CNTN5: variants seen among roughly 807,000 people sequenced by gnomAD.
CNTN5 encodes contactin-5.
CNTN5 carries 77 observed loss-of-function variants against 129.1 expected under a neutral mutation model. That is an observed-to-expected ratio of 0.60 (90% confidence interval 0.50 to 0.72). The LOEUF (loss-of-function observed/expected upper bound fraction) is 0.72, where lower values mean the gene tolerates loss of function less well. Ranked by LOEUF, CNTN5 falls within the 30% of genes least tolerant of loss-of-function variation. The pLI, the probability that CNTN5 is intolerant of heterozygous loss-of-function variation, is 0.00. For synonymous variants in CNTN5, 509 were observed against 465.6 expected, an observed-to-expected ratio of 1.09 and a Z score of -1.20; for missense variants, 1,478 against 1,328.8, an observed-to-expected ratio of 1.11 and a Z score of -1.75.
chr11:100,098,581 T>C (rs1345440096), intron 13 of CNTN5, among the ~76,000 whole-genome samples: 1 of 152,098 alleles, frequency 6.6e-6, no homozygotes, highest in Non-Finnish European at 1.5e-5. Context: ...CAGATTAGTG[T>C]ATCTTGGTAC....
At chr11:100,165,559 C>T (rs12802629) in intron 13 of CNTN5, among the ~76,000 whole-genome samples, 9,211 of 151,662 alleles carry the variant, frequency 0.061, 376 homozygotes, top group East Asian at 0.084. Context: ...TAAGAAAGTT[C>T]CAATAAAGCT....
chr11:99,720,145 G>C (rs1469828264), intron 3 of CNTN5, among the ~76,000 whole-genome samples: 1 of 152,028 alleles, frequency 6.6e-6, no homozygotes, highest in Non-Finnish European at 1.5e-5. Flanking sequence ...AAAAAATTGA[G>C]GAGGAGGGAC....
chr11:99,841,488 A>G (rs866466632), intron 4 of CNTN5, among the ~76,000 whole-genome samples: 2 of 152,010 alleles, frequency 1.3e-5, no homozygotes, highest in African/African-American at 4.8e-5. Context: ...AGAAATGACT[A>G]TGATACTGAG....
chr11:99,914,123 G>A (rs1013021789), intron 6 of CNTN5, among the ~76,000 whole-genome samples: 1 of 152,026 alleles, frequency 6.6e-6, no homozygotes, highest in Non-Finnish European at 1.5e-5. Flanking sequence ...TGTAGTCCCA[G>A]CTACTCGGGA....
At chr11:100,181,908 C>G (rs1046711854) in intron 13 of CNTN5, among the ~76,000 whole-genome samples, 2 of 151,968 alleles carry the variant, frequency 1.3e-5, no homozygotes, top group Admixed American at 1.3e-4. Context: ...ATATGACTCA[C>G]TGAAGTTCCA....
chr11:99,405,000 G>A (rs1269456845), intron 2 of CNTN5, among the ~76,000 whole-genome samples: 2 of 152,044 alleles, frequency 1.3e-5, no homozygotes, highest in African/African-American at 2.4e-5. Flanking sequence ...ACTATTCTAA[G>A]GTAAAACTTT....
In CNTN5 at chr11:99,213,063, C is replaced by T. The variant is rs538941076; in HGVS notation, c.-209-112283C>T. ...AAAATTAGCTGGGCGTGGTGGCACA[C>T]ACCTGTAGTCTGAGCTACTTGGGAA... On this transcript the variant is annotated intron_variant, in intron 1 of 24. Transcript: ENST00000524871. Among the ~76,000 whole-genome samples, 209 of 151,660 alleles carry T rather than the reference C, an allele frequency of 1.4e-3. 4 individuals are homozygous for T. Among genetic ancestry groups the T allele is most frequent in the East Asian group, 7.8e-4 (4 of 5,124 alleles).
chr11:99,943,628 T>C (rs1200093841), intron 7 of CNTN5, among the ~76,000 whole-genome samples: 2 of 151,544 alleles, frequency 1.3e-5, no homozygotes, highest in Admixed American at 6.6e-5. Flanking sequence ...TCCTGAATGA[T>C]ATTGCCTAGG....
chr11:99,989,519 A>ACG (rs370785352), intron 8 of CNTN5, among the ~76,000 whole-genome samples: 2 of 83,824 alleles, frequency 2.4e-5, no homozygotes, highest in Non-Finnish European at 5.6e-5. Context: ...ATAGACACAT[A>ACG]CACACACACT....
chr11:100,204,322 ATATATATATATATAT>A (rs1948866309), intron 15 of CNTN5, among the ~76,000 whole-genome samples: 1 of 108,454 alleles, frequency 9.2e-6, no homozygotes, highest in African/African-American at 3.1e-5. Context: ...ATATATATAT[ATATATATATATATAT>A]ATATATAATT....
chr11:99,613,808 G>T (rs1950671118), intron 3 of CNTN5, among the ~76,000 whole-genome samples: 1 of 152,108 alleles, frequency 6.6e-6, no homozygotes, highest in South Asian at 2.1e-4. Context: ...TTTGTCAGAT[G>T]AAATAAAATG....
At chr11:99,821,155 A>G (rs1161462749) in intron 4 of CNTN5, among the ~76,000 whole-genome samples, 2 of 152,242 alleles carry the variant, frequency 1.3e-5, no homozygotes, top group Non-Finnish European at 1.5e-5. Flanking sequence ...TAGAAAATCA[A>G]GTGATCAGAA....
chr11:99,419,824 A>G (rs986090599), intron 2 of CNTN5, among the ~76,000 whole-genome samples: 33 of 152,068 alleles, frequency 2.2e-4, no homozygotes, highest in African/African-American at 7.7e-4. Flanking sequence ...TGTTATTGTT[A>G]TATCCCAATT....
chr11:99,610,898 G>A (rs1950573661), intron 3 of CNTN5, among the ~76,000 whole-genome samples: 1 of 152,224 alleles, frequency 6.6e-6, no homozygotes, highest in East Asian at 1.9e-4. Context: ...TAAATAAGCA[G>A]CGCTATGTGC....
chr11:99,119,502 G>T (rs1858203114), intron 1 of CNTN5, among the ~76,000 whole-genome samples: 1 of 152,020 alleles, frequency 6.6e-6, no homozygotes, highest in South Asian at 2.1e-4. Flanking sequence ...AGTATTCCAT[G>T]ATGTATATGT....
intron 1 of CNTN5, among the ~76,000 whole-genome samples, chr11:99,128,294 C>A (rs1174012815): frequency 1.3e-5 from 2 of 152,302 alleles, no homozygotes; most frequent in East Asian, 1.9e-4. Flanking sequence ...GTAGGCAGTT[C>A]TCTCCAGCTA....
rs575073431 is a variant in CNTN5 at position 100,019,448 on chromosome 11, G to A, written c.980+17312G>A. ...ATATAAATGAGATCATGCAATATTC[G>A]CGTTTCTATGTCTGGCTTATTTCGC... On this transcript the variant is annotated intron_variant, in intron 9 of 24. Transcript: ENST00000524871. Among the ~76,000 whole-genome samples the A allele has an allele frequency of 1.8e-4, 27 of 151,930 alleles. No individual in the cohort carries two copies. In the South Asian group the frequency reaches 1.9e-3, roughly 10 times the overall value.
intron 3 of CNTN5, among the ~76,000 whole-genome samples, chr11:99,790,344 A>G (rs1318401412): frequency 6.6e-6 from 1 of 152,008 alleles, no homozygotes; most frequent in Admixed American, 6.6e-5. Flanking sequence ...CACCTCAAGT[A>G]GACCTTAGTG....
intron 3 of CNTN5, among the ~76,000 whole-genome samples, chr11:99,624,549 AT>A (rs1951062644): frequency 6.6e-6 from 1 of 152,118 alleles, no homozygotes. Context: ...AAAAATAACA[AT>A]TTTTGACCAT....
Sources: allele counts gnomAD v4.1 joint callset (sites outside exome capture counted in the v4.1 genomes callset), GRCh38; gene constraint gnomAD v4.1.1; transcripts MANE v1.5; gene names NCBI Gene and HGNC (gene_info 2026-07-23, HGNC 2026-07-21).